Variants in RIN2 observed in about 807,000 individuals in gnomAD.
RIN2 encodes RAB5 interacting protein 2.
Under a neutral mutation model 78.0 loss-of-function variants are expected in RIN2, and 36 were observed. The observed-to-expected ratio is 0.46, with a 90% CI of 0.35 to 0.61. The LOEUF is 0.61. Among genes scored for constraint, RIN2 ranks in the 20% least tolerant of loss-of-function variants. The probability of loss-of-function intolerance (pLI) is 0.00; values close to 1 mark genes in which losing one functional copy is unlikely to be tolerated. For synonymous variants in RIN2, 466 were observed against 466.8 expected, an observed-to-expected ratio of 1.00 and a Z score of 0.02; for missense variants, 1,087 against 1,159.7, an observed-to-expected ratio of 0.94 and a Z score of 0.91.
chr20:19,809,841 C>T (rs73293305), intron 2 of RIN2, among the ~76,000 whole-genome samples: 2,463 of 152,190 alleles, frequency 0.016, 75 homozygotes, highest in African/African-American at 0.056. Flanking sequence ...CAACCCACAA[C>T]CACTACAAGA....
chr20:19,960,608 G>C, intron 5 of RIN2, 92 bp from the exon 6 acceptor site: 5 of 934,954 alleles, frequency 5.3e-6, no homozygotes, highest in Non-Finnish European at 8.5e-6. Context: ...GATATGAAGG[G>C]ATTCTATTCA....
intron 4 of RIN2, among the ~76,000 whole-genome samples, chr20:19,947,733 A>T (rs2041151370): frequency 6.6e-6 from 1 of 152,238 alleles, no homozygotes; most frequent in Non-Finnish European, 1.5e-5. Flanking sequence ...GATTTTTCGT[A>T]AAGACTGTTT....
intron 2 of RIN2, among the ~76,000 whole-genome samples, chr20:19,873,985 CCTT>C (rs1043245555): frequency 6.6e-6 from 1 of 152,066 alleles, no homozygotes; most frequent in African/African-American, 2.4e-5. Flanking sequence ...TGAAGCTCTA[CCTT>C]CTTGTTTCAG....
chr20:19,886,516 A>G, intron 2 of RIN2: 1 of 575,648 alleles, frequency 1.7e-6, no homozygotes, highest in Non-Finnish European at 3.1e-6. Context: ...AGCTCCGTTT[A>G]CATTCTTTCA....
chr20:19,867,563 G>C (rs1188040992), intron 2 of RIN2, among the ~76,000 whole-genome samples: 1 of 152,126 alleles, frequency 6.6e-6, no homozygotes, highest in Non-Finnish European at 1.5e-5. Context: ...AGAGCATGCA[G>C]GCCAATCATT....
At chr20:19,780,722 G>T (rs369284130) in intron 1 of RIN2, among the ~76,000 whole-genome samples, 15 of 152,230 alleles carry the variant, frequency 9.9e-5, no homozygotes, top group Middle Eastern at 3.4e-3. Flanking sequence ...TACAAGCTGG[G>T]GATTTCTGGG....
At chr20:19,845,548 T>A (rs1216141680) in intron 2 of RIN2, among the ~76,000 whole-genome samples, 3 of 151,022 alleles carry the variant, frequency 2.0e-5, no homozygotes, top group Non-Finnish European at 4.4e-5. Context: ...GAGAAGTGTC[T>A]GTTCATACCC....
chr20:19,993,960 A>G lies in RIN2; in HGVS notation c.2200+1661A>G, dbSNP rs11906340. Among the ~76,000 whole-genome samples the G allele has an allele frequency of 4.0e-3, 610 of 152,306 alleles. 7 individuals carry two copies. Among genetic ancestry groups the G allele is most frequent in the African/African-American group, 0.014 (573 of 41,566 alleles). On this transcript the variant is annotated intron_variant, in intron 11 of 12. Transcript: ENST00000255006. ...TAGAAAGTCGATTCTGTTGCTGACAATGTGCACTCAGGACAAACATTGCTT... is the reference window on the plus strand; with the variant it reads ...TAGAAAGTCGATTCTGTTGCTGACAGTGTGCACTCAGGACAAACATTGCTT...
At chr20:19,922,054 T>C (rs1200311283) in intron 3 of RIN2, among the ~76,000 whole-genome samples, 1 of 152,156 alleles carries the variant, frequency 6.6e-6, no homozygotes, top group Non-Finnish European at 1.5e-5. Context: ...TTAGTAGAGA[T>C]GGTGTTTCAC....
intron 2 of RIN2, among the ~76,000 whole-genome samples, chr20:19,868,914 C>T (rs768601461): frequency 6.6e-6 from 1 of 151,884 alleles, no homozygotes; most frequent in Non-Finnish European, 1.5e-5. Context: ...AACCTTGTCT[C>T]TACTAAAAAT....
At chr20:19,989,491 G>C (rs2042729270) in intron 9 of RIN2, among the ~76,000 whole-genome samples, 1 of 151,942 alleles carries the variant, frequency 6.6e-6, no homozygotes, top group South Asian at 2.1e-4. Context: ...GATCAGGCTG[G>C]TCTCCAACTC....
intron 11 of RIN2, among the ~76,000 whole-genome samples, chr20:19,994,362 C>G (rs1205614320): frequency 2.6e-5 from 4 of 152,216 alleles, no homozygotes; most frequent in African/African-American, 9.6e-5. Flanking sequence ...GCCCAAAGTC[C>G]TCTTTGGTTT....
chr20:19,887,840 A>G (rs147458144), intron 2 of RIN2, among the ~76,000 whole-genome samples: 1 of 152,336 alleles, frequency 6.6e-6, no homozygotes, highest in East Asian at 1.9e-4. Context: ...TCTGAAATAA[A>G]AAGAATTCCA....
chr20:19,954,224 T>C (rs1055692372), intron 4 of RIN2, among the ~76,000 whole-genome samples: 1 of 152,236 alleles, frequency 6.6e-6, no homozygotes, highest in African/African-American at 2.4e-5. Context: ...CTTCCTTTAA[T>C]TTCCTTTTTA....
At chr20:19,889,486 CTGT>C (rs1430586537) in intron 2 of RIN2, 77 bp from the exon 3 acceptor site, 61 of 1,343,146 alleles carry the variant, frequency 4.5e-5, no homozygotes, top group Non-Finnish European at 6.1e-5. Context: ...CTTGGCAGGA[CTGT>C]TGTTGTGAGT....
In RIN2 at chr20:19,842,387, C is replaced by CTTTTTTTTTTTT. The variant is rs139642869; in HGVS notation, c.-37+42655_-37+42666dup. ...TACAGGCACTCACCACCATCCCTGG[C>CTTTTTTTTTTTT]TTTTTTTTTTTTTTTTTTTTTTTTT... On this transcript the variant is annotated intron_variant, in intron 2 of 12. Coordinates refer to ENST00000255006, the MANE Select transcript of RIN2 (RefSeq NM_018993.4). 2.6e-3 allele frequency among the ~76,000 whole-genome samples: 118 copies of CTTTTTTTTTTTT among 46,198 alleles called. 10 individuals carry two copies. The highest frequency in any genetic ancestry group is 3.6e-3 in the Non-Finnish European group (89 of 24,848). 30.3% of individuals were successfully genotyped at this position (46,198 alleles called of 152,430 possible).
intron 2 of RIN2, among the ~76,000 whole-genome samples, chr20:19,852,938 G>T (rs558819141): frequency 6.6e-6 from 1 of 151,678 alleles, no homozygotes; most frequent in South Asian, 2.1e-4. Flanking sequence ...CAACGTGCAG[G>T]TTTGTTACAT....
intron 9 of RIN2, among the ~76,000 whole-genome samples, chr20:19,984,884 A>C (rs2146362052): frequency 6.6e-6 from 1 of 152,360 alleles, no homozygotes; most frequent in African/African-American, 2.4e-5. Context: ...GGGTGTGGTT[A>C]GATTCCCTGG....
At chr20:19,976,427 A>C (rs919539951) in intron 9 of RIN2, among the ~76,000 whole-genome samples, 1 of 152,216 alleles carries the variant, frequency 6.6e-6, no homozygotes, top group African/African-American at 2.4e-5. Flanking sequence ...GCAAAAACTG[A>C]AAAAGACAAG....
Sources: allele counts gnomAD v4.1 joint callset (sites outside exome capture counted in the v4.1 genomes callset), GRCh38; gene constraint gnomAD v4.1.1; transcripts MANE v1.5; gene names NCBI Gene and HGNC (gene_info 2026-07-23, HGNC 2026-07-21).